The following ADAD1 variants were observed in gnomAD, a reference collection of about 807,000 sequenced individuals.
The protein encoded by ADAD1 is adenosine deaminase domain-containing protein 1.
In ADAD1, 46 loss-of-function variants were observed where a neutral mutation model predicts 66.8. The observed-to-expected ratio is 0.69, with a 90% CI of 0.54 to 0.88. ADAD1 has a LOEUF of 0.88. Ranked by LOEUF, ADAD1 falls within the 40% of genes least tolerant of loss-of-function variation. The probability of loss-of-function intolerance (pLI) is 0.00; values close to 1 mark genes in which losing one functional copy is unlikely to be tolerated. For missense variants in ADAD1, 617 were observed against 681.8 expected (o/e 0.91, Z 1.06); for synonymous variants, 248 against 229.4 (o/e 1.08, Z -0.73).
chr4:122,392,058 C>G (rs564671542), intron 5 of ADAD1, among the ~76,000 whole-genome samples: 2 of 152,190 alleles, frequency 1.3e-5, no homozygotes, highest in South Asian at 4.2e-4. Flanking sequence ...GTCTTTCTTT[C>G]TTTGTTTATT....
intron 7 of ADAD1, among the ~76,000 whole-genome samples, chr4:122,401,134 T>A (rs1328672342): frequency 6.6e-6 from 1 of 152,122 alleles, no homozygotes; most frequent in Non-Finnish European, 1.5e-5. Flanking sequence ...ATATAGGCAT[T>A]TAATGCTATG....
chr4:122,415,747 T>G, intron 11 of ADAD1, 131 bp downstream of exon 11: 1 of 852,144 alleles, frequency 1.2e-6, no homozygotes. Context: ...ATTAGTCAAG[T>G]GTGACTATGT....
rs150987897 is a variant in ADAD1 at position 122,408,394 on chromosome 4, A to G, written c.848+363A>G. On this transcript the variant is annotated intron_variant, in intron 8 of 12. Transcript: ENST00000296513. ...AGGTCCAAGCGATTCTATTGTCTCAACCTCCCAAATAGCTGGGATTACAGG... is the reference window on the plus strand; with the variant it reads ...AGGTCCAAGCGATTCTATTGTCTCAGCCTCCCAAATAGCTGGGATTACAGG... Among the ~76,000 whole-genome samples, 236 of 152,068 alleles carry G rather than the reference A, an allele frequency of 1.6e-3. 1 individual carries two copies. Among genetic ancestry groups the G allele is most frequent in the African/African-American group, 5.5e-3 (227 of 41,472 alleles).
chr4:122,408,143 A>T, intron 8 of ADAD1, 112 bp downstream of exon 8: 1 of 1,157,944 alleles, frequency 8.6e-7, no homozygotes. Context: ...AGAGCCAAGG[A>T]TGTCACATTT....
Position 122,387,952 on chromosome 4 carries a change from G to C in ADAD1, c.529+3986G>C, listed in dbSNP as rs1427279199. Among the ~76,000 whole-genome samples, 5 of 151,792 alleles carry C rather than the reference G, an allele frequency of 3.3e-5. No individual in the cohort carries two copies. The East Asian group carries it at 5.8e-4, about 18-fold the overall frequency. On this transcript the variant is annotated intron_variant, in intron 5 of 12. Transcript: ENST00000296513. ...TTTTTTGTATTTTTAGTAGAAACAG[G>C]GTTTTACCGTGTTAGCCAGGATGGT...
At position 122,390,986 on chromosome 4, in the gene ADAD1, C is replaced by T. The variant is rs190781716; in HGVS notation, c.530-2603C>T. On this transcript the variant is annotated intron_variant, in intron 5 of 12. Coordinates refer to ENST00000296513, the MANE Select transcript of ADAD1 (RefSeq NM_139243.4). Reference sequence around the variant, plus strand: ...TTTTTCATTGATTCTTTATCATCTTCGTGAGGTTGTCTAGTTTCAGTCTTT... The same window carrying T: ...TTTTTCATTGATTCTTTATCATCTTTGTGAGGTTGTCTAGTTTCAGTCTTT... 1.6e-4 allele frequency among the ~76,000 whole-genome samples: 24 copies of T among 152,278 alleles called. No individual in the cohort carries two copies. In the East Asian group the frequency reaches 4.2e-3, roughly 27 times the overall value.
intron 11 of ADAD1, among the ~76,000 whole-genome samples, chr4:122,416,095 T>C (rs957398815): frequency 2.0e-4 from 30 of 152,342 alleles, no homozygotes; most frequent in African/African-American, 6.7e-4. Context: ...TACTGTCTTA[T>C]AATAACCCTG....
chr4:122,382,786 G>A (rs187140619), intron 4 of ADAD1, among the ~76,000 whole-genome samples: 15 of 152,286 alleles, frequency 9.8e-5, no homozygotes, highest in South Asian at 2.1e-4. Flanking sequence ...CTCTGATTTA[G>A]TAAACCTGGA....
chr4:122,427,022 T>C (rs562344896), intron 12 of ADAD1, among the ~76,000 whole-genome samples: 7 of 152,196 alleles, frequency 4.6e-5, no homozygotes, highest in Admixed American at 4.6e-4. Flanking sequence ...GATTAAAAGG[T>C]ACCTATACTG....
chr4:122,428,173 T>G (rs1230117620), intron 12 of ADAD1, among the ~76,000 whole-genome samples: 1 of 151,980 alleles, frequency 6.6e-6, no homozygotes, highest in Non-Finnish European at 1.5e-5. Context: ...TATAAAACTT[T>G]CAAATAAAAT....
At chr4:122,422,376 C>T (rs1279789151) in intron 12 of ADAD1, among the ~76,000 whole-genome samples, 2 of 152,322 alleles carry the variant, frequency 1.3e-5, no homozygotes, top group East Asian at 1.9e-4. Context: ...CCACCCGCCT[C>T]AGCCTCCCAG....
At chr4:122,404,190 C>T (rs973254306) in intron 7 of ADAD1, among the ~76,000 whole-genome samples, 2 of 152,132 alleles carry the variant, frequency 1.3e-5, no homozygotes, top group South Asian at 4.1e-4. Flanking sequence ...CCATTCACCC[C>T]CATGGATTCT....
intron 6 of ADAD1, among the ~76,000 whole-genome samples, chr4:122,394,192 A>G (rs1214113324): frequency 3.9e-5 from 6 of 152,184 alleles, no homozygotes; most frequent in Non-Finnish European, 8.8e-5. Context: ...GAATTCATAA[A>G]TGTAAAATTC....
At chr4:122,412,537 A>G in intron 9 of ADAD1, 43 bp from the exon 10 acceptor site, 1 of 1,549,086 alleles carries the variant, frequency 6.5e-7, no homozygotes, top group Non-Finnish European at 8.8e-7. Flanking sequence ...TTGTTCTGTC[A>G]CCTTTGTTTT....
At chr4:122,422,973 AAAAAAAG>A (rs1259524294) in intron 12 of ADAD1, among the ~76,000 whole-genome samples, 1 of 150,790 alleles carries the variant, frequency 6.6e-6, no homozygotes, top group Non-Finnish European at 1.5e-5. Context: ...AAAAAAAAAA[AAAAAAAG>A]AAGAAGAAGA....
Position 122,415,480 on chromosome 4 carries a change from A to C in ADAD1, c.1351A>C (p.Arg451=). The stretch of plus-strand genomic sequence containing the variant: ...ACTTCCAATGTTTTACTTAGTCAAC[A>C]GACCTCATATTAGTTTAGTACCCTC... The part of the protein sequence containing the change: ...SKLPMFYLVN[R]PHISLVPSAY... Residue 451 remains arginine, a synonymous_variant, in exon 11 of 13, where the codon AGA becomes CGA. Transcript: ENST00000296513. 1 of 1,613,988 alleles carries C rather than the reference A, an allele frequency of 6.2e-7. No homozygotes were observed. Among genetic ancestry groups the C allele is most frequent in the Non-Finnish European group, 8.5e-7 (1 of 1,179,894 alleles).
intron 12 of ADAD1, among the ~76,000 whole-genome samples, chr4:122,423,100 G>A (rs1251422250): frequency 6.6e-6 from 1 of 151,984 alleles, no homozygotes; most frequent in Non-Finnish European, 1.5e-5. Flanking sequence ...CTCTCTGCTG[G>A]TTTCAATGCC....
intron 10 of ADAD1, 129 bp from the exon 11 acceptor site, chr4:122,415,250 C>G: frequency 1.5e-6 from 1 of 679,468 alleles, no homozygotes; most frequent in Middle Eastern, 3.9e-4. Context: ...GAGAATAGAA[C>G]TAGGAAAGGG....
chr4:122,410,683 A>T (rs1462304695), intron 8 of ADAD1, among the ~76,000 whole-genome samples: 3 of 152,212 alleles, frequency 2.0e-5, no homozygotes, highest in Non-Finnish European at 2.9e-5. Flanking sequence ...TGAAACATAC[A>T]ATAAATTATT....
Sources: gnomAD v4.1 joint callset for allele counts (sites outside exome capture counted in the v4.1 genomes callset) on GRCh38, gnomAD v4.1.1 for gene constraint, MANE v1.5 for transcripts, NCBI Gene and HGNC (gene_info 2026-07-23, HGNC 2026-07-21) for gene names.